CALN1: variants seen among roughly 807,000 people sequenced by gnomAD.
CALN1 encodes calcium-binding protein 8.
CALN1 carries 17 observed loss-of-function variants against 30.6 expected under a neutral mutation model. That is an observed-to-expected ratio of 0.56 (90% CI 0.38 to 0.83). The LOEUF (loss-of-function observed/expected upper bound fraction) is 0.83. Among genes scored for constraint, CALN1 ranks in the 40% least tolerant of loss-of-function variants. The pLI, the probability that CALN1 is intolerant of heterozygous loss-of-function variation, is 0.00. For missense variants in CALN1, 291 were observed against 354.9 expected (o/e 0.82, Z 1.45); for synonymous variants, 156 against 131.4 (o/e 1.19, Z -1.28).
intron 5 of CALN1, among the ~76,000 whole-genome samples, chr7:71,867,043 G>A (rs2116704933): frequency 6.6e-6 from 1 of 152,138 alleles, no homozygotes; most frequent in South Asian, 2.1e-4. Context: ...TACTCAGGCA[G>A]CGGAGGCAGG....
intron 4 of CALN1, among the ~76,000 whole-genome samples, chr7:72,105,732 G>A (rs1376061499): frequency 6.8e-6 from 1 of 147,200 alleles, no homozygotes; most frequent in East Asian, 2.0e-4. Flanking sequence ...TTTAGAAGAG[G>A]AGGAGGAGGA....
intron 3 of CALN1, among the ~76,000 whole-genome samples, chr7:72,217,545 C>CA (rs1385806907): frequency 1.3e-5 from 2 of 152,016 alleles, no homozygotes; most frequent in Non-Finnish European, 2.9e-5. Context: ...CTAAGTCGTG[C>CA]CAGATGAAGA....
chr7:72,272,059 C>CAAA (rs36004477), intron 3 of CALN1, among the ~76,000 whole-genome samples: 1 of 120,916 alleles, frequency 8.3e-6, no homozygotes, highest in Non-Finnish European at 1.7e-5. Context: ...AAGATTCTGT[C>CAAA]AAAAAAAAAA....
intron 3 of CALN1, among the ~76,000 whole-genome samples, chr7:72,229,770 C>T (rs1426042144): frequency 3.3e-5 from 5 of 151,752 alleles, no homozygotes; most frequent in Admixed American, 6.6e-5. Flanking sequence ...CATCACACAC[C>T]GGGGCCTGTC....
rs529974234 is a variant in CALN1, at chr7:72,031,379, T to C, written c.389-7610A>G. 1.1e-4 allele frequency among the ~76,000 whole-genome samples: 16 copies of C among 152,356 alleles called. No individual in the cohort carries two copies. The South Asian group carries it at 3.3e-3, about 32-fold the overall frequency. On this transcript the variant is annotated intron_variant, in intron 4 of 6. Transcript: ENST00000395275. The stretch of plus-strand genomic sequence containing the variant: ...GGAACTACTTATTTAACACTTGCTA[T>C]GTGCCAGGCACTGAGCTCAGGGCTT...
intron 3 of CALN1, among the ~76,000 whole-genome samples, chr7:72,116,086 G>A (rs1199782005): frequency 6.6e-6 from 1 of 151,998 alleles, no homozygotes; most frequent in Non-Finnish European, 1.5e-5. Flanking sequence ...TTTTAAAAAG[G>A]GATTGTGACT....
chr7:72,080,195 C>G (rs1805038096), intron 4 of CALN1, among the ~76,000 whole-genome samples: 1 of 152,170 alleles, frequency 6.6e-6, no homozygotes, highest in African/African-American at 2.4e-5. Flanking sequence ...CAGAACGAAC[C>G]TGTTACTTCA....
intron 5 of CALN1, among the ~76,000 whole-genome samples, chr7:71,948,896 A>C (rs958867486): frequency 1.3e-5 from 2 of 151,504 alleles, no homozygotes; most frequent in African/African-American, 4.9e-5. Context: ...TTTAAAAAAT[A>C]GCCAGGCATG....
chr7:71,871,497 A>C (rs1791924258), intron 5 of CALN1, among the ~76,000 whole-genome samples: 1 of 152,132 alleles, frequency 6.6e-6, no homozygotes, highest in South Asian at 2.1e-4. Flanking sequence ...CTGTAATCCC[A>C]GTGCTTTGGG....
chr7:71,858,882 C>CA (rs150472324), intron 5 of CALN1, among the ~76,000 whole-genome samples: 19 of 152,276 alleles, frequency 1.2e-4, no homozygotes, highest in Non-Finnish European at 5.9e-5. Context: ...ATGTCATCAT[C>CA]AGGACCTGCT....
At chr7:72,422,689 T>A (rs1302068619) in intron 1 of CALN1, among the ~76,000 whole-genome samples, 4 of 152,240 alleles carry the variant, frequency 2.6e-5, no homozygotes, top group Non-Finnish European at 5.9e-5. Context: ...ATCCTTCATG[T>A]AAATCCTCAC....
chr7:71,812,249 C>T (rs562485839), intron 5 of CALN1, among the ~76,000 whole-genome samples: 62 of 152,228 alleles, frequency 4.1e-4, no homozygotes, highest in African/African-American at 1.4e-3. Flanking sequence ...TTGTTTGCTA[C>T]GGCAGCATAA....
At chr7:72,124,748 A>AT (rs1026265459) in intron 3 of CALN1, among the ~76,000 whole-genome samples, 8 of 152,126 alleles carry the variant, frequency 5.3e-5, no homozygotes, top group African/African-American at 1.9e-4. Flanking sequence ...ACAAAGAAAA[A>AT]AAAACATGAA....
chr7:71,790,872 T>C (rs1793342221), intron 6 of CALN1, among the ~76,000 whole-genome samples: 1 of 152,042 alleles, frequency 6.6e-6, no homozygotes, highest in South Asian at 2.1e-4. Context: ...GAGGGGTGTG[T>C]GTGTGTGTTG....
At chr7:72,282,914 C>T (rs1166298606) in intron 2 of CALN1, among the ~76,000 whole-genome samples, 1 of 152,018 alleles carries the variant, frequency 6.6e-6, no homozygotes, top group Non-Finnish European at 1.5e-5. Flanking sequence ...ATTAGCCAGG[C>T]ATGGTGGTGG....
At chr7:71,971,989 G>GAAAA (rs1797858047) in intron 5 of CALN1, among the ~76,000 whole-genome samples, 1 of 96,994 alleles carries the variant, frequency 1.0e-5, no homozygotes, top group Non-Finnish European at 2.3e-5. Context: ...AAGAAAGAAA[G>GAAAA]AAAGAGAAAG....
At chr7:71,883,789 G>A (rs1792728147) in intron 5 of CALN1, among the ~76,000 whole-genome samples, 5 of 151,994 alleles carry the variant, frequency 3.3e-5, no homozygotes, top group Admixed American at 3.3e-4. Context: ...ATAATCGCTG[G>A]GTCTTGAGGG....
At chr7:72,479,413 TA>T in the CALN1 span, among the ~76,000 whole-genome samples, 1 of 152,320 alleles carries the variant, frequency 6.6e-6, no homozygotes, top group South Asian at 2.1e-4. Context: ...CTAATTTGTC[TA>T]TTTGTAGTTT....
chr7:72,297,500 C>T lies in CALN1; in HGVS notation c.120-18690G>A, dbSNP rs541101225. ...AACTCCAGACTAATAAATTTTAAAA[C>T]ACTGGTTAAATGAATAACTTTGCAC... On this transcript the variant is annotated intron_variant, in intron 2 of 6. Coordinates refer to ENST00000395275, the MANE Select transcript of CALN1 (RefSeq NM_031468.4). Among the ~76,000 whole-genome samples the T allele has an allele frequency of 1.2e-3, 181 of 152,160 alleles. 2 individuals are homozygous for T. Among genetic ancestry groups the T allele is most frequent in the Non-Finnish European group, 4.9e-4 (33 of 67,988 alleles).
Sources: gnomAD v4.1 joint callset for allele counts (sites outside exome capture counted in the v4.1 genomes callset) on GRCh38, gnomAD v4.1.1 for gene constraint, MANE v1.5 for transcripts, NCBI Gene and HGNC (gene_info 2026-07-23, HGNC 2026-07-21) for gene names.